GPC1: variants seen among roughly 807,000 people sequenced by gnomAD.
The protein encoded by GPC1 is glypican 1.
Under a neutral mutation model 51.5 loss-of-function variants are expected in GPC1, and 26 were observed. The observed-to-expected ratio is 0.50, with a 90% CI of 0.37 to 0.70. The LOEUF is 0.70. Among genes scored for constraint, GPC1 ranks in the 30% least tolerant of loss-of-function variants. GPC1 has a pLI of 0.00. For synonymous variants in GPC1, 380 were observed against 348.3 expected (o/e 1.09, Z -1.01); for missense variants, 775 against 800.5 (o/e 0.97, Z 0.38).
At chr2:240,440,393 T>C (rs1345089621) in intron 1 of GPC1, among the ~76,000 whole-genome samples, 1 of 152,206 alleles carries the variant, frequency 6.6e-6, no homozygotes, top group Non-Finnish European at 1.5e-5. Flanking sequence ...GGCTACAGCA[T>C]TGACCACTGC....
chr2:240,446,963 A>T (rs1327000916), intron 1 of GPC1, among the ~76,000 whole-genome samples: 1 of 152,146 alleles, frequency 6.6e-6, no homozygotes, highest in South Asian at 2.1e-4. Flanking sequence ...GAGCCCGAGC[A>T]TCTCATCCAT....
chr2:240,450,314 C>T (rs964479045), intron 1 of GPC1: 1 of 335,136 alleles, frequency 3.0e-6, no homozygotes, highest in Non-Finnish European at 5.9e-6. Context: ...CTTGTCAGCT[C>T]CTGCTTCAGC....
At chr2:240,439,416 G>A (rs116540213) in intron 1 of GPC1, among the ~76,000 whole-genome samples, 5,860 of 152,256 alleles carry the variant, frequency 0.038, 128 homozygotes, top group African/African-American at 0.051. Context: ...TCAGAGTGGG[G>A]CATGGGACTG....
At chr2:240,457,379 T>C (rs1422452552) in intron 1 of GPC1, 3 of 459,996 alleles carry the variant, frequency 6.5e-6, no homozygotes, top group East Asian at 7.1e-5. Flanking sequence ...CTCTGTTCCC[T>C]TCTCTTGTCT....
intron 4 of GPC1, 163 bp downstream of exon 4, chr2:240,463,675 C>A: frequency 4.9e-6 from 3 of 618,006 alleles, no homozygotes; most frequent in Non-Finnish European, 8.5e-6. Flanking sequence ...GTTGAGGGGC[C>A]AGGGTGCCTT....
Position 240,464,848 on chromosome 2 carries a change from C to T in GPC1, c.1015-8C>T. 1 of 1,558,378 alleles carries T rather than the reference C, an allele frequency of 6.4e-7. No homozygotes were observed. The highest frequency in any genetic ancestry group is 8.7e-7 in the Non-Finnish European group (1 of 1,150,352). ...CTACCCCCCAAGGACCCTGCAGTGT[C>T]TCTCCAGGTCATCCAGGGCTGCGGG... On this transcript the variant is annotated splice_polypyrimidine_tract_variant and splice_region_variant and intron_variant, in intron 5 of 8. Transcript: ENST00000264039.
Position 240,464,903 on chromosome 2 carries a change from G to A in GPC1, c.1062G>A (p.Gly354=), listed in dbSNP as rs758328959. The A allele has an allele frequency of 6.4e-6, 10 of 1,551,764 alleles. No individual in the cohort carries two copies. In the South Asian group the frequency reaches 1.2e-4, roughly 18 times the overall value. Reference sequence around the variant, plus strand: ...CCAAGGTCAACCCCCAGGGCCCCGGGCCTGAGGAGAAGCGGCGCCGGGGCA... The same window carrying A: ...CCAAGGTCAACCCCCAGGGCCCCGGACCTGAGGAGAAGCGGCGCCGGGGCA... ...GNPKVNPQGP[G]PEEKRRRGKL... Residue 354 remains glycine, a synonymous_variant, in exon 6 of 9, where the codon GGG becomes GGA. Transcript: ENST00000264039.
chr2:240,462,216 C>T lies in GPC1; in HGVS notation c.351C>T (p.Asp117=). The T allele has an allele frequency of 6.2e-7, 1 of 1,606,250 alleles. No homozygotes were observed. Among genetic ancestry groups the T allele is most frequent in the Non-Finnish European group, 8.5e-7 (1 of 1,175,796 alleles). ...FDDHFQHLLN[D]SERTLQATFP... ...ACCACTTCCAGCACCTGCTGAACGA[C>T]TCGGAGCGGACGCTGCAGGCCACCT... Residue 117 remains aspartate, a synonymous_variant, in exon 3 of 9, where the codon GAC becomes GAT. Transcript: ENST00000264039.
chr2:240,451,233 C>T (rs779034282), intron 1 of GPC1: 1 of 471,152 alleles, frequency 2.1e-6, no homozygotes, highest in Non-Finnish European at 4.4e-6. Flanking sequence ...TGTGTCTCTG[C>T]CTGGTTGGCA....
At position 240,464,535 on chromosome 2, in the gene GPC1, G is replaced by A. The variant is rs1372988663; in HGVS notation, c.884-81G>A. 43 of 1,344,384 alleles carry A rather than the reference G, an allele frequency of 3.2e-5. 1 individual carries two copies. The highest frequency in any genetic ancestry group is 5.1e-5 in the Admixed American group (3 of 58,418). The allele number at this position is 1,344,384 out of a possible 1,614,324, so 83.3% of individuals were successfully genotyped here. A position where few individuals can be genotyped will look rare whatever the true frequency, so the allele number is the denominator to read the frequency against. On this transcript the variant is annotated intron_variant, in intron 4 of 8. Transcript: ENST00000264039. ...GTCAAGACTGCATTAACATGCACAC[G>A]TGGTGACGCCTGCGTGTGCGTGTCA...
intron 2 of GPC1, among the ~76,000 whole-genome samples, chr2:240,459,851 C>T (rs1297618680): frequency 6.6e-6 from 1 of 152,134 alleles, no homozygotes; most frequent in Non-Finnish European, 1.5e-5. Flanking sequence ...GTCAGGAGGT[C>T]CTCCATGAAG....
intron 1 of GPC1, among the ~76,000 whole-genome samples, chr2:240,441,066 G>A (rs913682163): frequency 2.0e-5 from 3 of 152,284 alleles, no homozygotes; most frequent in Admixed American, 2.0e-4. Flanking sequence ...AGTCCAGTCT[G>A]TTGGGGCTTG....
Position 240,435,892 on chromosome 2 carries a change from G to T in GPC1, c.-27G>T. On this transcript the variant is annotated 5_prime_UTR_variant, in exon 1 of 9. Coordinates refer to ENST00000264039, the MANE Select transcript of GPC1 (RefSeq NM_002081.3). ...CAGGATCCGAGAGAGGCGCGGGCGGGTGGCCGGGGGCGCCGCCGGCCCCGC... is the reference window on the plus strand; with the variant it reads ...CAGGATCCGAGAGAGGCGCGGGCGGTTGGCCGGGGGCGCCGCCGGCCCCGC... 1 of 1,220,052 alleles carries T rather than the reference G, an allele frequency of 8.2e-7. No individual in the cohort carries two copies. The highest frequency in any genetic ancestry group is 1.0e-6 in the Non-Finnish European group (1 of 977,724). 75.6% of individuals were successfully genotyped at this position (1,220,052 alleles called of 1,614,324 possible).
chr2:240,457,742 C>T (rs903065357), intron 1 of GPC1, among the ~76,000 whole-genome samples: 1 of 152,158 alleles, frequency 6.6e-6, no homozygotes, highest in African/African-American at 2.4e-5. Flanking sequence ...CCTCTCCTGC[C>T]TCTCCTCCCT....
In GPC1 at chr2:240,450,436, C is replaced by T. The variant is rs183743375; in HGVS notation, c.167-8594C>T. The T allele has an allele frequency of 1.6e-4, 58 of 370,298 alleles. No individual in the cohort carries two copies. The East Asian group carries it at 3.8e-3, about 24-fold the overall frequency. The allele number at this position is 370,298 out of a possible 1,614,324, so 22.9% of individuals were successfully genotyped here. On this transcript the variant is annotated intron_variant, in intron 1 of 8. Coordinates refer to ENST00000264039, the MANE Select transcript of GPC1 (RefSeq NM_002081.3). Reference sequence around the variant, plus strand: ...TCGTGCTGGGCCCCGTGCTGCTACTCCTAGCCTGTGACCTTGCACAGGTCA... The same window carrying T: ...TCGTGCTGGGCCCCGTGCTGCTACTTCTAGCCTGTGACCTTGCACAGGTCA...
chr2:240,465,606 C>T lies in GPC1; in HGVS notation c.1402C>T (p.Arg468Cys), dbSNP rs562620992. Residue 468 changes from arginine to cysteine, a missense_variant, in exon 8 of 9, where the codon CGC becomes TGC. Arg to Cys is a radical substitution (Grantham distance 180, BLOSUM62 -3). Coordinates refer to ENST00000264039, the MANE Select transcript of GPC1 (RefSeq NM_002081.3). ...MQLKIMTNRLRSAYNGNDVDF... is the reference protein window; with the variant it reads ...MQLKIMTNRLCSAYNGNDVDF... ...GCTGAAGATCATGACCAACCGGCTGCGCAGCGCCTACAACGGCAACGACGT... is the reference window on the plus strand; with the variant it reads ...GCTGAAGATCATGACCAACCGGCTGTGCAGCGCCTACAACGGCAACGACGT... The T allele has an allele frequency of 2.3e-5, 37 of 1,613,022 alleles. No homozygotes were observed. The highest frequency in any genetic ancestry group is 5.0e-5 in the Admixed American group (3 of 60,020).
chr2:240,458,083 C>G, intron 1 of GPC1: 1 of 470,864 alleles, frequency 2.1e-6, no homozygotes, highest in Non-Finnish European at 4.4e-6. Context: ...ACCACTTGCC[C>G]CCTCACTGTA....
At chr2:240,441,748 G>A (rs2074018732) in intron 1 of GPC1, among the ~76,000 whole-genome samples, 1 of 152,226 alleles carries the variant, frequency 6.6e-6, no homozygotes, top group African/African-American at 2.4e-5. Flanking sequence ...GAAGTCTCCT[G>A]ACGGGGTGGG....
chr2:240,449,842 G>A lies in GPC1; in HGVS notation c.167-9188G>A, dbSNP rs138227578. 1,341 of 470,258 alleles carry A rather than the reference G, an allele frequency of 2.9e-3. 2 individuals are homozygous for A. The highest frequency in any genetic ancestry group is 4.2e-3 in the Non-Finnish European group (950 of 227,034). 29.1% of individuals were successfully genotyped at this position (470,258 alleles called of 1,614,324 possible). On this transcript the variant is annotated intron_variant, in intron 1 of 8. Coordinates refer to ENST00000264039, the MANE Select transcript of GPC1 (RefSeq NM_002081.3). Reference sequence around the variant, plus strand: ...TGTCTGGCTTCTTTCACTCAGCGTCGTCCTCAAGGTTCCTCCACGCCGGAG... The same window carrying A: ...TGTCTGGCTTCTTTCACTCAGCGTCATCCTCAAGGTTCCTCCACGCCGGAG...
Sources: allele counts gnomAD v4.1 joint callset (sites outside exome capture counted in the v4.1 genomes callset), GRCh38; gene constraint gnomAD v4.1.1; transcripts MANE v1.5; gene names NCBI Gene and HGNC (gene_info 2026-07-23, HGNC 2026-07-21).